PCCA: variants seen among roughly 807,000 people sequenced by gnomAD.
The protein encoded by PCCA is propionyl-CoA carboxylase alpha chain, mitochondrial.
In PCCA, 74 loss-of-function variants were observed where a neutral mutation model predicts 101.3. The observed-to-expected ratio is 0.73, with a 90% CI of 0.61 to 0.89. The LOEUF is 0.89. Ranked by LOEUF, PCCA falls within the 40% of genes least tolerant of loss-of-function variation. The pLI, the probability that PCCA is intolerant of heterozygous loss-of-function variation, is 0.00. For missense variants in PCCA, 891 were observed against 907.0 expected (o/e 0.98, Z 0.23); for synonymous variants, 294 against 313.6 (o/e 0.94, Z 0.66).
Position 100,235,830 on chromosome 13 carries a change from C to G in PCCA, c.601-12C>G. The G allele has an allele frequency of 6.3e-7, 1 of 1,599,984 alleles. No homozygotes were observed. Among genetic ancestry groups the G allele is most frequent in the African/African-American group, 1.3e-5 (1 of 74,774 alleles). ...TGGGATTAATGTTGAGTCTCATTTCCTGCTTTTACAGGATGCAGAAGAAGC... is the reference window on the plus strand; with the variant it reads ...TGGGATTAATGTTGAGTCTCATTTCGTGCTTTTACAGGATGCAGAAGAAGC... On this transcript the variant is annotated splice_polypyrimidine_tract_variant and intron_variant, in intron 7 of 23. Transcript: ENST00000376285.
chr13:100,370,231 C>A (rs2075491253), intron 19 of PCCA, among the ~76,000 whole-genome samples: 1 of 151,630 alleles, frequency 6.6e-6, no homozygotes, highest in African/African-American at 2.4e-5. Flanking sequence ...ACTACAGGTG[C>A]ATGCCACCAC....
chr13:100,214,810 A>G (rs1336375636), intron 7 of PCCA, among the ~76,000 whole-genome samples: 3 of 152,038 alleles, frequency 2.0e-5, no homozygotes, highest in Non-Finnish European at 4.4e-5. Flanking sequence ...ATTCATAGCT[A>G]TTGTAAATGG....
intron 12 of PCCA, among the ~76,000 whole-genome samples, chr13:100,287,357 A>C (rs564585005): frequency 1.6e-4 from 24 of 152,130 alleles, no homozygotes; most frequent in Non-Finnish European, 3.2e-4. Flanking sequence ...AAGAAAAAGA[A>C]ATTAAAATGA....
intron 16 of PCCA, among the ~76,000 whole-genome samples, chr13:100,317,016 G>A (rs866693778): frequency 4.6e-5 from 7 of 151,978 alleles, no homozygotes; most frequent in Non-Finnish European, 8.8e-5. Context: ...CAGGTGACCC[G>A]CCTGCCTCGG....
At chr13:100,452,525 G>T (rs2081406444) in intron 21 of PCCA, among the ~76,000 whole-genome samples, 1 of 152,164 alleles carries the variant, frequency 6.6e-6, no homozygotes, top group Admixed American at 6.5e-5. Context: ...CTGCTCAGGG[G>T]TTTCCTCACT....
At chr13:100,492,896 C>T (rs968376648) in intron 21 of PCCA, among the ~76,000 whole-genome samples, 5 of 151,800 alleles carry the variant, frequency 3.3e-5, no homozygotes, top group South Asian at 2.1e-4. Context: ...TTTCCAGCTC[C>T]GCATCTCTCA....
chr13:100,290,223 T>C (rs1477922371), intron 12 of PCCA, among the ~76,000 whole-genome samples: 3 of 152,112 alleles, frequency 2.0e-5, no homozygotes, highest in African/African-American at 7.2e-5. Flanking sequence ...CTCTCTTTTT[T>C]TTTCTTGAGA....
intron 21 of PCCA, among the ~76,000 whole-genome samples, chr13:100,502,248 T>C (rs1263555102): frequency 6.6e-6 from 1 of 152,174 alleles, no homozygotes; most frequent in Non-Finnish European, 1.5e-5. Context: ...ATAGTGGAAG[T>C]CTAGCTTCTA....
At chr13:100,101,613 T>C (rs772798759) in intron 1 of PCCA, among the ~76,000 whole-genome samples, 27 of 152,136 alleles carry the variant, frequency 1.8e-4, no homozygotes, top group Non-Finnish European at 2.9e-4. Flanking sequence ...ATTAATTAAT[T>C]TTTTCTGAGG....
At chr13:100,328,666 G>T (rs896741325) in intron 16 of PCCA, among the ~76,000 whole-genome samples, 1 of 138,082 alleles carries the variant, frequency 7.2e-6, no homozygotes, top group South Asian at 2.5e-4. Flanking sequence ...TGTCTATGTT[G>T]TTAGGTGTTA....
rs560008483 is a variant in PCCA, at chr13:100,256,216, A to G, written c.638-1379A>G. 1.3e-3 allele frequency among the ~76,000 whole-genome samples: 193 copies of G among 152,278 alleles called. 2 individuals are homozygous for G. Among genetic ancestry groups the G allele is most frequent in the Admixed American group, 0.011 (175 of 15,296 alleles). On this transcript the variant is annotated intron_variant, in intron 8 of 23. Coordinates refer to ENST00000376285, the MANE Select transcript of PCCA (RefSeq NM_000282.4). ...GAGACGGAGTTTCACCATGTTGGCC[A>G]GGATGGTCTTAATCTCCTGACCTCG...
intron 11 of PCCA, among the ~76,000 whole-genome samples, chr13:100,269,555 T>C (rs1268488747): frequency 6.6e-6 from 1 of 152,190 alleles, no homozygotes; most frequent in Non-Finnish European, 1.5e-5. Flanking sequence ...TTCATGAGTT[T>C]GGTGTATGGG....
intron 21 of PCCA, among the ~76,000 whole-genome samples, chr13:100,503,701 C>T (rs1403827010): frequency 3.3e-5 from 5 of 151,566 alleles, no homozygotes; most frequent in Non-Finnish European, 5.9e-5. Flanking sequence ...CCTAGTAGTT[C>T]GAGACCAGCC....
At chr13:100,150,557 A>G in intron 4 of PCCA, 1 of 1,266,486 alleles carries the variant, frequency 7.9e-7, no homozygotes, top group Non-Finnish European at 1.1e-6. Context: ...AGTGTGGTGG[A>G]ACTTACGGCC....
chr13:100,528,754 C>T (rs192600703), intron 23 of PCCA, among the ~76,000 whole-genome samples: 2 of 152,322 alleles, frequency 1.3e-5, no homozygotes, highest in Admixed American at 6.5e-5. Flanking sequence ...TTAAGGAATT[C>T]TTTCTAAATT....
chr13:100,522,522 C>T (rs1240859581), intron 22 of PCCA, among the ~76,000 whole-genome samples: 2 of 152,088 alleles, frequency 1.3e-5, no homozygotes, highest in Non-Finnish European at 2.9e-5. Flanking sequence ...TCCTGGGGGG[C>T]GGGGCGGCTC....
intron 4 of PCCA, among the ~76,000 whole-genome samples, chr13:100,139,441 A>G (rs2152341193): frequency 6.6e-6 from 1 of 150,884 alleles, no homozygotes; most frequent in Non-Finnish European, 1.5e-5. Flanking sequence ...CTCTTGTTTC[A>G]GATTGTATAA....
intron 1 of PCCA, among the ~76,000 whole-genome samples, chr13:100,092,076 A>G (rs969936007): frequency 5.2e-4 from 79 of 152,060 alleles, no homozygotes; most frequent in African/African-American, 1.8e-3. Flanking sequence ...GCACGCCACC[A>G]CCACCGGCTA....
chr13:100,407,202 A>T (rs1199847144), intron 19 of PCCA, among the ~76,000 whole-genome samples: 1 of 152,216 alleles, frequency 6.6e-6, no homozygotes, highest in African/African-American at 2.4e-5. Flanking sequence ...TTATTCACAA[A>T]AATATAACCT....
Sources: gnomAD v4.1 joint callset for allele counts (sites outside exome capture counted in the v4.1 genomes callset) on GRCh38, gnomAD v4.1.1 for gene constraint, MANE v1.5 for transcripts, NCBI Gene and HGNC (gene_info 2026-07-23, HGNC 2026-07-21) for gene names.